The following LNX2 variants were observed in gnomAD, a reference collection of about 807,000 sequenced individuals.
LNX2 encodes ligand of Numb protein X 2.
In LNX2, 35 loss-of-function variants were observed where a neutral mutation model predicts 66.2. That is an observed-to-expected ratio of 0.53 (90% confidence interval 0.40 to 0.70). The LOEUF (loss-of-function observed/expected upper bound fraction) is 0.70. LNX2 is among the 30% of genes least tolerant of loss of function. LNX2 has a pLI of 0.00. For synonymous variants in LNX2, 337 were observed against 315.6 expected (o/e 1.07, Z -0.72); for missense variants, 791 against 850.8 (o/e 0.93, Z 0.87).
At chr13:27,568,059 C>T (rs541693729) in intron 3 of LNX2, among the ~76,000 whole-genome samples, 66 of 152,202 alleles carry the variant, frequency 4.3e-4, no homozygotes, top group African/African-American at 1.6e-3. Context: ...TAAATAGCTA[C>T]TATGTATCAG....
intron 3 of LNX2, among the ~76,000 whole-genome samples, chr13:27,568,736 A>G (rs1184185418): frequency 1.3e-5 from 2 of 152,198 alleles, no homozygotes; most frequent in African/African-American, 2.4e-5. Context: ...CACAGACAGT[A>G]ATAACCACGC....
At chr13:27,606,683 C>A (rs1286798225) in intron 1 of LNX2, among the ~76,000 whole-genome samples, 1 of 152,134 alleles carries the variant, frequency 6.6e-6, no homozygotes, top group African/African-American at 2.4e-5. Context: ...AAAAAACTAA[C>A]AGCAGTCAAC....
At chr13:27,605,780 T>C (rs1955708027) in intron 1 of LNX2, among the ~76,000 whole-genome samples, 2 of 152,232 alleles carry the variant, frequency 1.3e-5, no homozygotes, top group African/African-American at 4.8e-5. Flanking sequence ...ATGGCAGTTA[T>C]TACAATGATT....
chr13:27,577,132 T>C (rs1955348567), intron 2 of LNX2, among the ~76,000 whole-genome samples: 1 of 152,214 alleles, frequency 6.6e-6, no homozygotes, highest in South Asian at 2.1e-4. Flanking sequence ...CTAATGATGT[T>C]GAGCATGTCA....
At chr13:27,604,936 A>C (rs1955698251) in intron 1 of LNX2, among the ~76,000 whole-genome samples, 1 of 151,844 alleles carries the variant, frequency 6.6e-6, no homozygotes, top group African/African-American at 2.4e-5. Flanking sequence ...TCTGAAGAAA[A>C]CGACATACAA....
Position 27,583,217 on chromosome 13 carries a change from T to TGCGCGCGC in LNX2, c.-100-1415_-100-1414insGCGCGCGC, listed in dbSNP as rs1566124720. Among the ~76,000 whole-genome samples the TGCGCGCGC allele has an allele frequency of 9.0e-4, 19 of 21,016 alleles. 5 individuals carry two copies. Among genetic ancestry groups the TGCGCGCGC allele is most frequent in the East Asian group, 9.0e-3 (7 of 776 alleles). 13.8% of individuals were successfully genotyped at this position (21,016 alleles called of 152,430 possible). A position where few individuals can be genotyped will look rare whatever the true frequency, so the allele number is the denominator to read the frequency against. ...GTGTGTGTGTGTGTGTGTGTGTGTG[T>TGCGCGCGC]GTGTGTGTGTGTGTGTGTGTGTGTG... On this transcript the variant is annotated intron_variant, in intron 1 of 9. Coordinates refer to ENST00000316334, the MANE Select transcript of LNX2 (RefSeq NM_153371.4).
At chr13:27,613,387 GACGGAGGTCCAACT>G (rs1955793569) in intron 1 of LNX2, among the ~76,000 whole-genome samples, 1 of 152,132 alleles carries the variant, frequency 6.6e-6, no homozygotes, top group African/African-American at 2.4e-5. Flanking sequence ...TAGGAGAAGA[GACGGAGGTCCAACT>G]ACAGGATATG....
chr13:27,566,651 T>G (rs1274963317), intron 4 of LNX2, among the ~76,000 whole-genome samples: 2 of 152,116 alleles, frequency 1.3e-5, no homozygotes, highest in East Asian at 3.9e-4. Flanking sequence ...TGATGGGGTA[T>G]TCTACTAAAT....
intron 4 of LNX2, among the ~76,000 whole-genome samples, chr13:27,564,805 T>C (rs147641702): frequency 6.6e-5 from 10 of 152,292 alleles, no homozygotes; most frequent in South Asian, 4.1e-4. Context: ...ATTTAGCTTA[T>C]ACAAAGTTGG....
In LNX2 at chr13:27,548,484, G is replaced by A; in HGVS notation, c.1938-14C>T. ...ATGTCACCACACCTGGACAAAGAGA[G>A]ACAGATACAGAATGTTACTATTTTC... On this transcript the variant is annotated splice_polypyrimidine_tract_variant and intron_variant, in intron 9 of 9. Transcript: ENST00000316334. 6.2e-7 allele frequency: 1 copy of A among 1,603,066 alleles called. No individual in the cohort carries two copies. The highest frequency in any genetic ancestry group is 2.2e-5 in the East Asian group (1 of 44,776).
intron 3 of LNX2, among the ~76,000 whole-genome samples, chr13:27,568,474 C>T (rs945237408): frequency 1.3e-5 from 2 of 152,052 alleles, no homozygotes; most frequent in South Asian, 2.1e-4. Flanking sequence ...AGGTGTATAA[C>T]GGTGAGATGC....
chr13:27,601,487 T>C (rs1369351504), intron 1 of LNX2, among the ~76,000 whole-genome samples: 3 of 152,216 alleles, frequency 2.0e-5, no homozygotes, highest in Non-Finnish European at 2.9e-5. Flanking sequence ...ACTAGAATGA[T>C]ACTTCTCTAA....
chr13:27,612,206 G>A (rs578057497), intron 1 of LNX2, among the ~76,000 whole-genome samples: 25 of 152,258 alleles, frequency 1.6e-4, no homozygotes, highest in African/African-American at 5.3e-4. Flanking sequence ...TGAAGTTTTG[G>A]ACTAAATCAT....
At chr13:27,580,265 T>C (rs866246899) in intron 2 of LNX2, among the ~76,000 whole-genome samples, 6 of 152,104 alleles carry the variant, frequency 3.9e-5, no homozygotes, top group African/African-American at 1.4e-4. Context: ...CAGCATTAAC[T>C]AAATTTTTGT....
At chr13:27,602,063 C>T (rs1257070481) in intron 1 of LNX2, among the ~76,000 whole-genome samples, 1 of 152,018 alleles carries the variant, frequency 6.6e-6, no homozygotes, top group Admixed American at 6.6e-5. Flanking sequence ...GTATGCATAT[C>T]AACTGAAGTT....
intron 3 of LNX2, among the ~76,000 whole-genome samples, chr13:27,568,492 T>TG (rs753577214): frequency 5.3e-5 from 8 of 152,128 alleles, no homozygotes; most frequent in Non-Finnish European, 1.0e-4. Context: ...TGCATGGTCT[T>TG]GGAGTCAAAT....
chr13:27,608,016 C>T (rs1955735700), intron 1 of LNX2, among the ~76,000 whole-genome samples: 1 of 152,142 alleles, frequency 6.6e-6, no homozygotes, highest in Admixed American at 6.5e-5. Context: ...TCTCTTCCTG[C>T]CCCACAGCAT....
At chr13:27,584,029 C>A (rs959621580) in intron 1 of LNX2, among the ~76,000 whole-genome samples, 1 of 151,994 alleles carries the variant, frequency 6.6e-6, no homozygotes, top group Admixed American at 6.5e-5. Flanking sequence ...GTTGCAGGGG[C>A]TTGAGGGTAC....
In LNX2 at chr13:27,613,817, C is replaced by T. The variant is rs116621222; in HGVS notation, c.-101+6558G>A. ...AAATACAGGCGAAGCAAAGGTCACC[C>T]GGCTGCAAATGATTAACTACTCGAA... On this transcript the variant is annotated intron_variant, in intron 1 of 9. Transcript: ENST00000316334. 6.8e-3 allele frequency among the ~76,000 whole-genome samples: 1,036 copies of T among 152,178 alleles called. 9 individuals carry two copies. The highest frequency in any genetic ancestry group is 0.023 in the African/African-American group (970 of 41,524).
Sources: allele counts gnomAD v4.1 joint callset (sites outside exome capture counted in the v4.1 genomes callset), GRCh38; gene constraint gnomAD v4.1.1; transcripts MANE v1.5; gene names NCBI Gene and HGNC (gene_info 2026-07-23, HGNC 2026-07-21).